TINAGL1: variants seen among roughly 807,000 people sequenced by gnomAD.
TINAGL1 encodes tubulointerstitial nephritis antigen-like.
A neutral mutation model predicts 62.0 loss-of-function variants in TINAGL1; 34 were observed. The observed-to-expected ratio is 0.55, with a 90% CI of 0.42 to 0.73. The LOEUF (loss-of-function observed/expected upper bound fraction) is 0.73, where lower values mean the gene tolerates loss of function less well. Ranked by LOEUF, TINAGL1 falls within the 30% of genes least tolerant of loss-of-function variation. The pLI, the probability that TINAGL1 is intolerant of heterozygous loss-of-function variation, is 0.00. For synonymous variants in TINAGL1, 221 were observed against 249.7 expected (o/e 0.88, Z 1.08); for missense variants, 516 against 653.2 (o/e 0.79, Z 2.29).
chr1:31,583,530 C>T lies in TINAGL1; in HGVS notation c.537C>T (p.Gly179=), dbSNP rs140704120. The T allele has an allele frequency of 5.0e-5, 80 of 1,614,056 alleles. No homozygotes were observed. In the African/African-American group the frequency reaches 9.6e-4, roughly 19 times the overall value. ...ATGAGGGCATTCGCTACCGCCTGGG[C>T]ACCATCCGCCCATCTTCCTCGGTCA... The part of the protein sequence containing the change: ...TLDEGIRYRL[G]TIRPSSSVMN... Residue 179 remains glycine, a synonymous_variant, in exon 5 of 12, where the codon GGC becomes GGT. Transcript: ENST00000271064. This position sits in a 1 kb window ranked among gnomAD's most constrained non-coding sequence, Gnocchi z 4.4.
chr1:31,586,532 C>T (rs763048134), intron 10 of TINAGL1, 178 bp from the exon 11 acceptor site: 29 of 705,096 alleles, frequency 4.1e-5, no homozygotes, highest in East Asian at 1.1e-4. Context: ...CTGGGTGCAC[C>T]GACTTACAGA....
intron 2 of TINAGL1, 89 bp from the exon 3 acceptor site, chr1:31,579,115 G>C: frequency 1.1e-6 from 1 of 909,092 alleles, no homozygotes; most frequent in Non-Finnish European, 1.8e-6. Flanking sequence ...ATCTTGGAAA[G>C]GTTCAAGGTA....
At position 31,580,195 on chromosome 1, in the gene TINAGL1, CTCTCTCTCTCTCTCTCTG is replaced by C. The variant is rs1448432099; in HGVS notation, c.374+942_374+959del. The stretch of plus-strand genomic sequence containing the variant: ...TCTCTCTCTCTCTCTCTCTCTCTCT[CTCTCTCTCTCTCTCTCTG>C]TCTCTCTCTCTCTGTCTCTCTCTGT... On this transcript the variant is annotated intron_variant, in intron 3 of 11. Coordinates refer to ENST00000271064, the MANE Select transcript of TINAGL1 (RefSeq NM_022164.3). 1,327 of 411,986 alleles carry C rather than the reference CTCTCTCTCTCTCTCTCTG, an allele frequency of 3.2e-3. 8 individuals are homozygous for C. Among genetic ancestry groups the C allele is most frequent in the Admixed American group, 0.013 (147 of 10,994 alleles). The allele number at this position is 411,986 out of a possible 1,614,324, so 25.5% of individuals were successfully genotyped here.
intron 3 of TINAGL1, chr1:31,580,191 C>CTCTCTCTCTCTCTG: frequency 2.4e-6 from 1 of 417,206 alleles, no homozygotes; most frequent in South Asian, 4.5e-5. Context: ...CTCTCTCTCT[C>CTCTCTCTCTCTCTG]TCTCTCTCTC....
rs763092298 is a variant in TINAGL1 at position 31,585,044 on chromosome 1, G to A, written c.857+8G>A. ...GTTCCTGCGTCGCCGAGGGTATGCAGCAACAGGGGATGTGGGCAGAGAAGA... is the reference window on the plus strand; with the variant it reads ...GTTCCTGCGTCGCCGAGGGTATGCAACAACAGGGGATGTGGGCAGAGAAGA... On this transcript the variant is annotated splice_region_variant and intron_variant, in intron 7 of 11. Coordinates refer to ENST00000271064, the MANE Select transcript of TINAGL1 (RefSeq NM_022164.3). The surrounding 1 kb of genome is among the most constrained non-coding windows in gnomAD (Gnocchi z 4.3). The A allele has an allele frequency of 6.3e-7, 1 of 1,590,446 alleles. No individual in the cohort carries two copies. Among genetic ancestry groups the A allele is most frequent in the South Asian group, 1.1e-5 (1 of 89,132 alleles).
chr1:31,585,609 C>T lies in TINAGL1; in HGVS notation c.1093+124C>T. The T allele has an allele frequency of 6.5e-7, 1 of 1,533,032 alleles. No homozygotes were observed. Among genetic ancestry groups the T allele is most frequent in the Non-Finnish European group, 8.8e-7 (1 of 1,134,524 alleles). 95.0% of individuals were successfully genotyped at this position (1,533,032 alleles called of 1,614,324 possible). On this transcript the variant is annotated intron_variant, in intron 9 of 11. Coordinates refer to ENST00000271064, the MANE Select transcript of TINAGL1 (RefSeq NM_022164.3). The surrounding 1 kb of genome is among the most constrained non-coding windows in gnomAD (Gnocchi z 4.3). ...CCAGTAGGGCCAGGAGTAGGGGTCC[C>T]CCCCTCCCACAGGCAGCACCTGGAG...
In TINAGL1 at chr1:31,584,831, G is replaced by A. The variant is rs757331832; in HGVS notation, c.706+30G>A. The A allele has an allele frequency of 3.1e-6, 5 of 1,614,094 alleles. No individual in the cohort carries two copies. The African/African-American group carries it at 6.7e-5, about 22-fold the overall frequency. On this transcript the variant is annotated intron_variant, in intron 6 of 11. Coordinates refer to ENST00000271064, the MANE Select transcript of TINAGL1 (RefSeq NM_022164.3). This position sits in a 1 kb window ranked among gnomAD's most constrained non-coding sequence, Gnocchi z 4.0. ...GCCAAGGGCAAGGGCTGGCGCCTGG[G>A]AGAGGAGGGCCAAGTCCTGAGCCTC...
chr1:31,585,766 G>A lies in TINAGL1; in HGVS notation c.1107G>A (p.Val369=), dbSNP rs1294449901. The A allele has an allele frequency of 1.2e-6, 2 of 1,613,388 alleles. No homozygotes were observed. The highest frequency in any genetic ancestry group is 1.7e-6 in the Non-Finnish European group (2 of 1,179,748). The change falls in exon 10 of 12, where the codon GTG becomes GTA. Residue 369 remains valine, a synonymous_variant. Transcript: ENST00000271064. The surrounding 1 kb of genome is among the most constrained non-coding windows in gnomAD (Gnocchi z 4.3). ...ATCTGCCCACAGCCCTCATGGAGGT[G>A]CATGAGGACTTCTTCCTATACAAGG... is the stretch of plus-strand genomic sequence containing the variant. ...ENGPVQALME[V]HEDFFLYKGG...
Position 31,577,852 on chromosome 1 carries a change from T to C in TINAGL1, c.310+394T>C, listed in dbSNP as rs1422822935. 1 of 194,016 alleles carries C rather than the reference T, an allele frequency of 5.2e-6. No individual in the cohort carries two copies. The highest frequency in any genetic ancestry group is 2.3e-5 in the African/African-American group (1 of 42,802). The allele number at this position is 194,016 out of a possible 1,614,324, so 12.0% of individuals were successfully genotyped here. ...GAGATGGCTGCTCATACCTGGGAGA[T>C]GGGTCAAATCTTTTCCTGCTTTCAG... is the stretch of plus-strand genomic sequence containing the variant. On this transcript the variant is annotated intron_variant, in intron 2 of 11. Transcript: ENST00000271064. The surrounding 1 kb of genome is among the most constrained non-coding windows in gnomAD (Gnocchi z 5.4).
At chr1:31,578,728 T>C (rs901573297) in intron 2 of TINAGL1, among the ~76,000 whole-genome samples, 1 of 147,748 alleles carries the variant, frequency 6.8e-6, no homozygotes, top group African/African-American at 2.5e-5. Flanking sequence ...CTGGTGTGTG[T>C]GTGTGTGTGT....
chr1:31,583,585 T>A lies in TINAGL1; in HGVS notation c.582+10T>A. On this transcript the variant is annotated intron_variant, in intron 5 of 11. Coordinates refer to ENST00000271064, the MANE Select transcript of TINAGL1 (RefSeq NM_022164.3). This position sits in a 1 kb window ranked among gnomAD's most constrained non-coding sequence, Gnocchi z 4.4. ...CATGCATGAAATTTATGTAAGTCCA[T>A]CCTTCCCCACAATGCTGCCATCTCC... 1 of 1,606,294 alleles carries A rather than the reference T, an allele frequency of 6.2e-7. No homozygotes were observed. Among genetic ancestry groups the A allele is most frequent in the Non-Finnish European group, 8.5e-7 (1 of 1,176,158 alleles).
In TINAGL1 at chr1:31,585,941, G is replaced by A; in HGVS notation, c.1217+65G>A. 6.7e-7 allele frequency: 1 copy of A among 1,489,290 alleles called. No homozygotes were observed. The highest frequency in any genetic ancestry group is 9.0e-7 in the Non-Finnish European group (1 of 1,116,470). The allele number at this position is 1,489,290 out of a possible 1,614,324, so 92.3% of individuals were successfully genotyped here. On this transcript the variant is annotated intron_variant, in intron 10 of 11. Transcript: ENST00000271064. The surrounding 1 kb of genome is among the most constrained non-coding windows in gnomAD (Gnocchi z 4.3). ...GTTTGTGCTAGGGGCTCTGGAGCCT[G>A]CCTTGGGTTCTTACAACCTCTCTAA...
At chr1:31,581,704 A>G (rs945214) in intron 3 of TINAGL1, among the ~76,000 whole-genome samples, 89,999 of 152,062 alleles carry the variant, frequency 0.59, 27,688 homozygotes, top group African/African-American at 0.76. Context: ...TTAATGATGG[A>G]CCAGGCCCAG....
In TINAGL1 at chr1:31,585,030, G is replaced by T. The variant is rs552564411; in HGVS notation, c.851G>T (p.Arg284Leu). ...GATGGTGCCTGGTGGTTCCTGCGTC[G>T]CCGAGGGTATGCAGCAACAGGGGAT... ...RLDGAWWFLRRRGVVSDHCYP... is the reference protein window; with the variant it reads ...RLDGAWWFLRLRGVVSDHCYP... Residue 284 changes from arginine to leucine, a missense_variant, in exon 7 of 12, where the codon CGC becomes CTC. Physicochemically the swap from Arg to Leu is moderately radical, Grantham distance 102. Coordinates refer to ENST00000271064, the MANE Select transcript of TINAGL1 (RefSeq NM_022164.3). This position sits in a 1 kb window ranked among gnomAD's most constrained non-coding sequence, Gnocchi z 4.3. 6.3e-7 allele frequency: 1 copy of T among 1,596,952 alleles called. No homozygotes were observed. The highest frequency in any genetic ancestry group is 1.7e-4 in the Middle Eastern group (1 of 6,008).
chr1:31,584,858 C>G lies in TINAGL1; in HGVS notation c.707-28C>G, dbSNP rs149209488. On this transcript the variant is annotated intron_variant, in intron 6 of 11. Transcript: ENST00000271064. This position sits in a 1 kb window ranked among gnomAD's most constrained non-coding sequence, Gnocchi z 4.0. Reference sequence around the variant, plus strand: ...GAGGAGGGCCAAGTCCTGAGCCTCCCGACAGCCCCTCTATCTCACCCCACC... The same window carrying G: ...GAGGAGGGCCAAGTCCTGAGCCTCCGGACAGCCCCTCTATCTCACCCCACC... 12,659 of 1,613,506 alleles carry G rather than the reference C, an allele frequency of 7.8e-3. 65 individuals are homozygous for G. The highest frequency in any genetic ancestry group is 9.7e-3 in the Non-Finnish European group (11,410 of 1,179,454).
At chr1:31,586,422 C>A in intron 10 of TINAGL1, 1 of 562,142 alleles carries the variant, frequency 1.8e-6, no homozygotes, top group East Asian at 3.1e-5. Context: ...ATAGAACTGG[C>A]CCCTAGGAGG....
rs1243753251 is a variant in TINAGL1 at position 31,577,987 on chromosome 1, G to A, written c.310+529G>A. On this transcript the variant is annotated intron_variant, in intron 2 of 11. Transcript: ENST00000271064. This position sits in a 1 kb window ranked among gnomAD's most constrained non-coding sequence, Gnocchi z 5.4. ...GGCCGGCAGACTGCATACCTGAGCTGTCATCTCAAGAGTGCTGTGTTATCT... is the reference window on the plus strand; with the variant it reads ...GGCCGGCAGACTGCATACCTGAGCTATCATCTCAAGAGTGCTGTGTTATCT... 6.6e-6 allele frequency among the ~76,000 whole-genome samples: 1 copy of A among 152,166 alleles called. No individual in the cohort carries two copies. The highest frequency in any genetic ancestry group is 1.5e-5 in the Non-Finnish European group (1 of 68,030).
chr1:31,577,189 T>C lies in TINAGL1; in HGVS notation c.41T>C (p.Leu14Pro). The change falls in exon 2 of 12, where the codon CTG becomes CCG. Residue 14 changes from leucine (L) to proline (P), a missense_variant. Leu to Pro is a moderately conservative substitution (Grantham distance 98). Transcript: ENST00000271064. This position sits in a 1 kb window ranked among gnomAD's most constrained non-coding sequence, Gnocchi z 5.4. ...CPLGLLLLLP[L>P]AGHLALGAQQ... ...CTGGGGCTACTGCTGTTGCTGCCGC[T>C]GGCTGGCCACTTGGCTCTGGGTGCC... 1 of 1,584,682 alleles carries C rather than the reference T, an allele frequency of 6.3e-7. No individual in the cohort carries two copies. Among genetic ancestry groups the C allele is most frequent in the Non-Finnish European group, 8.6e-7 (1 of 1,167,468 alleles).
intron 3 of TINAGL1, among the ~76,000 whole-genome samples, chr1:31,582,726 T>C (rs1359087448): frequency 6.6e-6 from 1 of 151,906 alleles, no homozygotes; most frequent in African/African-American, 2.4e-5. Context: ...ATTTTTAAGG[T>C]AGACCCATAG....
Sources: allele counts gnomAD v4.1 joint callset (sites outside exome capture counted in the v4.1 genomes callset), GRCh38; gene constraint gnomAD v4.1.1; non-coding constraint Gnocchi (gnomAD v3.1); transcripts MANE v1.5; gene names NCBI Gene and HGNC (gene_info 2026-07-23, HGNC 2026-07-21).